The following FUT8 variants were observed in gnomAD, a reference collection of about 807,000 sequenced individuals.
FUT8 encodes the protein fucosyltransferase 8.
Under a neutral mutation model 71.3 loss-of-function variants are expected in FUT8, and 29 were observed. That is an observed-to-expected ratio of 0.41 (90% confidence interval 0.30 to 0.55). FUT8 has a LOEUF of 0.55. FUT8 is among the 20% of genes least tolerant of loss of function. FUT8 has a pLI of 0.34. For synonymous variants in FUT8, 254 were observed against 239.3 expected, an observed-to-expected ratio of 1.06 and a Z score of -0.57; for missense variants, 544 against 702.1, an observed-to-expected ratio of 0.77 and a Z score of 2.55.
Position 65,721,785 on chromosome 14 carries a change from G to A in FUT8, c.846G>A (p.Lys282=). ...ISTGHWSGEV[K]DKNVQVVELP... ...TTTCAATATTGTCAGGTGAAGTGAA[G>A]GACAAAAATGTTCAAGTGGTCGAGC... The change falls in exon 8 of 11, where the codon AAG becomes AAA. Residue 282 remains lysine, a synonymous_variant. Coordinates refer to ENST00000673929, the MANE Select transcript of FUT8 (RefSeq NM_001371533.1). 6.2e-7 allele frequency: 1 copy of A among 1,614,010 alleles called. No individual in the cohort carries two copies. The highest frequency in any genetic ancestry group is 8.5e-7 in the Non-Finnish European group (1 of 1,179,898).
At chr14:65,731,932 A>C (rs1389436279) in intron 9 of FUT8, among the ~76,000 whole-genome samples, 1 of 152,206 alleles carries the variant, frequency 6.6e-6, no homozygotes, top group African/African-American at 2.4e-5. Context: ...GTTAGTCTTT[A>C]TTCAAGGATA....
chr14:65,669,751 A>G lies in FUT8; in HGVS notation c.835+271A>G, dbSNP rs536884368. 3.3e-5 allele frequency among the ~76,000 whole-genome samples: 5 copies of G among 152,300 alleles called. No homozygotes were observed. The highest frequency in any genetic ancestry group is 4.8e-5 in the African/African-American group (2 of 41,580). On this transcript the variant is annotated intron_variant, in intron 7 of 10. Transcript: ENST00000673929. The surrounding 1 kb of genome is among the most constrained non-coding windows in gnomAD (Gnocchi z 4.5). ...ATAATTTAATCTTTTAATAATAATG[A>G]TATGACTTTCACTCTATAAGATGAT...
At chr14:65,454,698 A>C (rs1241326952) in intron 1 of FUT8, among the ~76,000 whole-genome samples, 3 of 152,204 alleles carry the variant, frequency 2.0e-5, no homozygotes, top group Admixed American at 1.3e-4. Context: ...AGTGGCAGAA[A>C]CACACATTTC....
At chr14:65,521,866 TTC>T (rs1883099784) in intron 2 of FUT8, among the ~76,000 whole-genome samples, 1 of 120,728 alleles carries the variant, frequency 8.3e-6, no homozygotes, top group Non-Finnish European at 2.0e-5. Flanking sequence ...AGGAATCTTC[TTC>T]TTTTTTTTTT....
chr14:65,692,827 C>T (rs532540152), intron 7 of FUT8, among the ~76,000 whole-genome samples: 15 of 149,708 alleles, frequency 1.0e-4, no homozygotes, highest in East Asian at 4.0e-4. Context: ...ACCTCCCAGA[C>T]GGGGTCACGG....
At chr14:65,729,580 A>G (rs1895866096) in intron 9 of FUT8, among the ~76,000 whole-genome samples, 1 of 150,282 alleles carries the variant, frequency 6.7e-6, no homozygotes, top group African/African-American at 2.5e-5. Flanking sequence ...CAGTAGCACA[A>G]TCTCAGCTCA....
At chr14:65,385,630 A>G in the FUT8 span, among the ~76,000 whole-genome samples, 5 of 152,176 alleles carry the variant, frequency 3.3e-5, no homozygotes, top group African/African-American at 1.2e-4. Flanking sequence ...TACATTTGTC[A>G]TATTGAAAAT....
chr14:65,518,022 C>T (rs1229316104), intron 2 of FUT8, among the ~76,000 whole-genome samples: 2 of 152,104 alleles, frequency 1.3e-5, no homozygotes, highest in Admixed American at 6.6e-5. Context: ...TCAGTGGTCT[C>T]TTTTTCTTCT....
intron 2 of FUT8, among the ~76,000 whole-genome samples, chr14:65,476,637 A>ATT (rs200882761): frequency 1.4e-3 from 179 of 125,008 alleles, no homozygotes; most frequent in Non-Finnish European, 2.2e-3. Context: ...AAAGAAGTAG[A>ATT]TTTTTTTTTT....
At chr14:65,616,162 T>G (rs1397728510) in intron 4 of FUT8, 49 bp from the exon 5 acceptor site, 3 of 1,594,984 alleles carry the variant, frequency 1.9e-6, no homozygotes, top group East Asian at 2.2e-5. Flanking sequence ...GAAAGTTTCC[T>G]TTTATCAAAA....
chr14:65,611,255 A>G (rs867312274), intron 3 of FUT8, among the ~76,000 whole-genome samples: 1 of 69,248 alleles, frequency 1.4e-5, no homozygotes, highest in Non-Finnish European at 2.6e-5. Context: ...ACACACACAC[A>G]CACACACACA....
intron 3 of FUT8, among the ~76,000 whole-genome samples, chr14:65,575,296 A>G (rs1886696098): frequency 6.6e-6 from 1 of 151,522 alleles, no homozygotes; most frequent in Non-Finnish European, 1.5e-5. Flanking sequence ...GTGATTACAT[A>G]TGGCAAGACT....
intron 2 of FUT8, among the ~76,000 whole-genome samples, chr14:65,512,999 C>G (rs1882465461): frequency 6.6e-6 from 1 of 151,698 alleles, no homozygotes; most frequent in Non-Finnish European, 1.5e-5. Context: ...TCCTTTAGAG[C>G]TAGGCTAGTG....
At chr14:65,694,698 G>C (rs934020135) in intron 7 of FUT8, among the ~76,000 whole-genome samples, 4 of 151,980 alleles carry the variant, frequency 2.6e-5, no homozygotes, top group Admixed American at 2.6e-4. Context: ...ATACACCATG[G>C]AATACTATGC....
intron 2 of FUT8, among the ~76,000 whole-genome samples, chr14:65,512,871 G>T (rs1359217813): frequency 7.1e-6 from 1 of 141,320 alleles, no homozygotes; most frequent in African/African-American, 2.7e-5. Context: ...TCACGCCACT[G>T]CACTCCAGCC....
intron 3 of FUT8, among the ~76,000 whole-genome samples, chr14:65,583,658 A>AAG: frequency 6.6e-6 from 1 of 151,904 alleles, no homozygotes; most frequent in Non-Finnish European, 1.5e-5. Context: ...AAAAAAAAAA[A>AAG]GAATGCTGAG....
Position 65,584,588 on chromosome 14 carries a change from G to A in FUT8, c.203+22822G>A, listed in dbSNP as rs116961594. Among the ~76,000 whole-genome samples the A allele has an allele frequency of 5.8e-3, 876 of 152,294 alleles. 31 individuals carry two copies. In the East Asian group the frequency reaches 0.093, roughly 16 times the overall value. ...TGCTTATTAGGGATATAAAAAATGG[G>A]ATAAAGATAGAAATATAATAGATCA... On this transcript the variant is annotated intron_variant, in intron 3 of 10. Transcript: ENST00000673929.
chr14:65,425,018 C>T (rs1311690947), intron 1 of FUT8, among the ~76,000 whole-genome samples: 1 of 151,968 alleles, frequency 6.6e-6, no homozygotes, highest in African/African-American at 2.4e-5. Flanking sequence ...TTCAAATTGT[C>T]ACAAACCTCC....
chr14:65,420,247 A>G (rs1198589650), intron 1 of FUT8, among the ~76,000 whole-genome samples: 5 of 150,812 alleles, frequency 3.3e-5, no homozygotes, highest in Non-Finnish European at 7.4e-5. Context: ...GTCAGACTAG[A>G]TAACAAAGAA....
Sources: gnomAD v4.1 joint callset for allele counts (sites outside exome capture counted in the v4.1 genomes callset) on GRCh38, gnomAD v4.1.1 for gene constraint, Gnocchi (gnomAD v3.1) non-coding constraint, MANE v1.5 for transcripts, NCBI Gene and HGNC (gene_info 2026-07-23, HGNC 2026-07-21) for gene names.